Variants in DCST2 observed in about 807,000 individuals in gnomAD.
DCST2 encodes DC-STAMP domain containing 2.
A neutral mutation model predicts 81.8 loss-of-function variants in DCST2; 64 were observed. The ratio of observed to expected loss-of-function variants is 0.78; its 90% confidence interval spans 0.64 to 0.96. The LOEUF (loss-of-function observed/expected upper bound fraction) is 0.96, where lower values mean the gene tolerates loss of function less well. Among genes scored for constraint, DCST2 ranks in the 40% least tolerant of loss-of-function variants. The pLI is 0.00. For missense variants in DCST2, 945 were observed against 1,001.4 expected, an observed-to-expected ratio of 0.94 and a Z score of 0.76; for synonymous variants, 354 against 402.6, an observed-to-expected ratio of 0.88 and a Z score of 1.44.
chr1:155,018,551 G>T lies in DCST2; in HGVS notation c.2315C>A (p.Pro772His). 6.2e-7 allele frequency: 1 copy of T among 1,612,456 alleles called. No homozygotes were observed. The highest frequency in any genetic ancestry group is 1.1e-5 in the South Asian group (1 of 91,052). The stretch of plus-strand genomic sequence containing the variant: ...CTTGTGTCCACTTTTGGTTTATTTG[G>T]GGGGTGGGTGGGAAGGATCAGGAAG... ...PSLPDPSHPP[P>H]K The change falls in exon 15 of 15, where the codon CCC becomes CAC. Residue 772 changes from proline to histidine, a missense_variant. Pro to His is a moderately conservative substitution (Grantham distance 77). Transcript: ENST00000368424.
At chr1:155,023,803 G>GGAGA (rs765154018) in intron 12 of DCST2, 29 bp downstream of exon 12, 2 of 1,611,850 alleles carry the variant, frequency 1.2e-6, no homozygotes, top group Non-Finnish European at 1.7e-6. Flanking sequence ...GTCCGAGCAG[G>GGAGA]GAGAGGCACA....
At chr1:155,020,448 C>T (rs576642479) in intron 14 of DCST2, among the ~76,000 whole-genome samples, 1 of 152,194 alleles carries the variant, frequency 6.6e-6, no homozygotes, top group African/African-American at 2.4e-5. Flanking sequence ...CGGCTCACTG[C>T]AACTTCCGCC....
At chr1:155,018,878 C>T (rs777398006) in intron 14 of DCST2, 118 bp from the exon 15 acceptor site, 8 of 1,027,760 alleles carry the variant, frequency 7.8e-6, no homozygotes, top group Non-Finnish European at 1.1e-5. Flanking sequence ...CTGAGCAACT[C>T]CTGCTCTCTC....
chr1:155,021,712 C>A (rs1659762329), intron 14 of DCST2, among the ~76,000 whole-genome samples: 1 of 151,994 alleles, frequency 6.6e-6, no homozygotes. Context: ...ATCTTCCTGC[C>A]CTAACACCTG....
intron 8 of DCST2, among the ~76,000 whole-genome samples, chr1:155,028,975 GT>G (rs1185776606): frequency 1.3e-5 from 2 of 152,092 alleles, no homozygotes; most frequent in Non-Finnish European, 2.9e-5. Flanking sequence ...CCTGGCCAGT[GT>G]GACTCTAGAG....
chr1:155,028,374 G>A (rs1300705710), intron 8 of DCST2, among the ~76,000 whole-genome samples: 5 of 152,114 alleles, frequency 3.3e-5, no homozygotes, highest in East Asian at 1.9e-4. Context: ...GTGGATCACC[G>A]GAGGTCAGGA....
intron 4 of DCST2, 59 bp downstream of exon 4, chr1:155,031,515 T>TTGCCCCCCC: frequency 2.5e-5 from 16 of 643,124 alleles, no homozygotes; most frequent in Non-Finnish European, 4.1e-5. Flanking sequence ...ACCCCCACAT[T>TTGCCCCCCC]CCCACCCCAC....
In DCST2 at chr1:155,023,920, C is replaced by A; in HGVS notation, c.1782G>T (p.Leu594=). The A allele has an allele frequency of 6.2e-7, 1 of 1,613,542 alleles. No homozygotes were observed. The highest frequency in any genetic ancestry group is 1.3e-5 in the African/African-American group (1 of 75,028). ...CLGPFVSHFW[L]HQAYCLGCGQ... is the part of the protein sequence containing the mutation. ...CACAGCCCAGGCAGTAGGCCTGATG[C>A]AGCCAAAAGTGGCTGACAAATGGAC... The change falls in exon 12 of 15, where the codon CTG becomes CTT. Residue 594 remains leucine (L), a synonymous_variant. Coordinates refer to ENST00000368424, the MANE Select transcript of DCST2 (RefSeq NM_144622.3).
intron 14 of DCST2, among the ~76,000 whole-genome samples, 167 bp from the exon 15 acceptor site, chr1:155,018,927 T>A (rs1275419915): frequency 6.6e-6 from 1 of 151,956 alleles, no homozygotes; most frequent in Non-Finnish European, 1.5e-5. Context: ...TGTAGATATT[T>A]TCTGATTTTA....
At position 155,030,070 on chromosome 1, in the gene DCST2, C is replaced by T. The variant is rs1431925479; in HGVS notation, c.1177+14G>A. 4 of 1,612,530 alleles carry T rather than the reference C, an allele frequency of 2.5e-6. No homozygotes were observed. The highest frequency in any genetic ancestry group is 2.7e-5 in the African/African-American group (2 of 75,014). On this transcript the variant is annotated intron_variant, in intron 7 of 14. Coordinates refer to ENST00000368424, the MANE Select transcript of DCST2 (RefSeq NM_144622.3). ...CTCCCTGGCTTGGGCTCTCCCTGTC[C>T]TCAGGGCCCTCACCCGGTGGGATGT...
chr1:155,031,895 G>A, intron 3 of DCST2, 124 bp from the exon 4 acceptor site: 2 of 1,033,874 alleles, frequency 1.9e-6, no homozygotes, highest in Non-Finnish European at 2.8e-6. Flanking sequence ...TGGCTGTGCT[G>A]TGTCCAGTGA....
intron 7 of DCST2, 70 bp from the exon 8 acceptor site, chr1:155,029,467 G>A (rs1272545671): frequency 2.7e-6 from 4 of 1,499,612 alleles, no homozygotes; most frequent in Non-Finnish European, 3.7e-6. Flanking sequence ...AGTTCTTGGA[G>A]AGGCCTCCTG....
At chr1:155,031,532 C>CCCCCA in intron 4 of DCST2, 42 bp downstream of exon 4, 2 of 1,545,068 alleles carry the variant, frequency 1.3e-6, no homozygotes, top group Non-Finnish European at 8.9e-7. Context: ...CCACCCCACC[C>CCCCCA]CACATCGGCT....
chr1:155,025,390 G>A (rs1028129273), intron 10 of DCST2, among the ~76,000 whole-genome samples: 3 of 151,912 alleles, frequency 2.0e-5, no homozygotes, highest in Non-Finnish European at 2.9e-5. Context: ...GTGCAGTTGC[G>A]CAATCTCGGC....
At position 155,020,824 on chromosome 1, in the gene DCST2, T is replaced by A. The variant is rs76521865; in HGVS notation, c.2106-2064A>T. 2.6e-5 allele frequency among the ~76,000 whole-genome samples: 4 copies of A among 151,832 alleles called. No individual in the cohort carries two copies. The South Asian group carries it at 8.3e-4, about 32-fold the overall frequency. On this transcript the variant is annotated intron_variant, in intron 14 of 14. Coordinates refer to ENST00000368424, the MANE Select transcript of DCST2 (RefSeq NM_144622.3). ...TGATCCTACTTGATTTTTTTTTTTTTAATCTTCTAATTTTTTGAGACTGGG... is the reference window on the plus strand; with the variant it reads ...TGATCCTACTTGATTTTTTTTTTTTAAATCTTCTAATTTTTTGAGACTGGG...
rs141585921 is a variant in DCST2 at position 155,026,683 on chromosome 1, T to C, written c.1375A>G (p.Thr459Ala). ...PVLVSLTVEG[T>A]GYAGNIYRDL... ...CGATAAATATTCCCAGCGTAGCCAG[T>C]ACCTTCCACGGTTAGAGACACCAAC... The change falls in exon 9 of 15, where the codon ACT becomes GCT. Residue 459 changes from threonine (T) to alanine (A), a missense_variant. By Grantham distance (58) the Thr-to-Ala change is moderately conservative. Coordinates refer to ENST00000368424, the MANE Select transcript of DCST2 (RefSeq NM_144622.3). The C allele has an allele frequency of 1.5e-5, 25 of 1,614,098 alleles. No individual in the cohort carries two copies. The African/African-American group carries it at 3.3e-4, about 22-fold the overall frequency.
At chr1:155,025,685 A>G (rs1175713809) in intron 10 of DCST2, among the ~76,000 whole-genome samples, 3 of 146,946 alleles carry the variant, frequency 2.0e-5, no homozygotes, top group Non-Finnish European at 4.5e-5. Flanking sequence ...CCTCACCACC[A>G]TGTTTTTTTG....
intron 13 of DCST2, 22 bp downstream of exon 13, chr1:155,023,342 C>G (rs1386216989): frequency 2.5e-6 from 4 of 1,609,808 alleles, no homozygotes; most frequent in Non-Finnish European, 3.4e-6. Flanking sequence ...CTCCAGCCAC[C>G]CCATGTCACT....
At position 155,030,551 on chromosome 1, in the gene DCST2, G is replaced by T. The variant is rs770216293; in HGVS notation, c.900C>A (p.Ser300Arg). ...HFSVDLNASR[S>R]LSQVAMDLHE... is the part of the protein sequence containing the mutation. ...GGAGGTCCATGGCTACCTGGGACAGGCTCCGAGAGGCATTGAGATCCACAG... is the reference window on the plus strand; with the variant it reads ...GGAGGTCCATGGCTACCTGGGACAGTCTCCGAGAGGCATTGAGATCCACAG... The change falls in exon 6 of 15, where the codon AGC (serine) becomes AGA (arginine). Residue 300 changes from serine (S) to arginine (R), a missense_variant. By Grantham distance (110) the Ser-to-Arg change is moderately radical. Transcript: ENST00000368424. 1 of 1,614,132 alleles carries T rather than the reference G, an allele frequency of 6.2e-7. No individual in the cohort carries two copies. The highest frequency in any genetic ancestry group is 1.7e-5 in the Admixed American group (1 of 60,014).
Sources: allele counts gnomAD v4.1 joint callset (sites outside exome capture counted in the v4.1 genomes callset), GRCh38; gene constraint gnomAD v4.1.1; transcripts MANE v1.5; gene names NCBI Gene and HGNC (gene_info 2026-07-23, HGNC 2026-07-21).